Variants in MRPL22 observed in about 807,000 individuals in gnomAD.
The protein encoded by MRPL22 is large ribosomal subunit protein uL22m.
Under a neutral mutation model 32.4 loss-of-function variants are expected in MRPL22, and 27 were observed. That is an observed-to-expected ratio of 0.83 (90% confidence interval 0.61 to 1.15). MRPL22 has a LOEUF of 1.15. MRPL22 is among the 50% of genes most tolerant of loss of function. The probability of loss-of-function intolerance (pLI) is 0.00; values close to 1 mark genes in which losing one functional copy is unlikely to be tolerated. For missense variants in MRPL22, 239 were observed against 260.2 expected (o/e 0.92, Z 0.56); for synonymous variants, 86 against 87.3 (o/e 0.99, Z 0.08).
At chr5:154,942,549 A>G (rs1764433578) in intron 2 of MRPL22, among the ~76,000 whole-genome samples, 1 of 152,192 alleles carries the variant, frequency 6.6e-6, no homozygotes. Flanking sequence ...TTCTGAATAT[A>G]CTTTGCACTT....
chr5:154,965,803 C>A (rs190974577), intron 6 of MRPL22, among the ~76,000 whole-genome samples: 2 of 152,204 alleles, frequency 1.3e-5, no homozygotes, highest in Non-Finnish European at 2.9e-5. Flanking sequence ...GCTGAAGGGG[C>A]CGTTGTGCCA....
At chr5:154,960,310 G>C (rs1764685259) in intron 6 of MRPL22, among the ~76,000 whole-genome samples, 2 of 152,168 alleles carry the variant, frequency 1.3e-5, no homozygotes, top group Admixed American at 6.5e-5. Flanking sequence ...TAGATACCAA[G>C]ACTGGGGTAC....
intron 2 of MRPL22, among the ~76,000 whole-genome samples, chr5:154,948,858 C>A (rs1764525208): frequency 6.6e-6 from 1 of 152,178 alleles, no homozygotes; most frequent in Admixed American, 6.5e-5. Flanking sequence ...AGTTGGCTCA[C>A]TAGCATTTTC....
At chr5:154,956,925 A>G in intron 4 of MRPL22, 1 of 524,668 alleles carries the variant, frequency 1.9e-6, no homozygotes, top group Non-Finnish European at 3.4e-6. Flanking sequence ...TATTGAAACT[A>G]TTATAATCTC....
chr5:154,946,753 G>A (rs1012689051), intron 2 of MRPL22, among the ~76,000 whole-genome samples: 2 of 152,266 alleles, frequency 1.3e-5, no homozygotes, highest in African/African-American at 2.4e-5. Flanking sequence ...TCCAGGAGGC[G>A]GAGGTTGCAG....
Position 154,967,240 on chromosome 5 carries a change from A to G in MRPL22, c.*343A>G, listed in dbSNP as rs1764782510. 1 of 217,260 alleles carries G rather than the reference A, an allele frequency of 4.6e-6. No homozygotes were observed. Among genetic ancestry groups the G allele is most frequent in the Admixed American group, 5.4e-5 (1 of 18,562 alleles). The allele number at this position is 217,260 out of a possible 1,614,324, so 13.5% of individuals were successfully genotyped here. ...GGACTTGAATACAGTGTTATGAGGT[A>G]AGAAAATTGCTTTTATTTCACTTAA... On this transcript the variant is annotated 3_prime_UTR_variant, in exon 7 of 7. Coordinates refer to ENST00000523037, the MANE Select transcript of MRPL22 (RefSeq NM_014180.4). The surrounding 1 kb of genome is among the most constrained non-coding windows in gnomAD (Gnocchi z 4.7).
Position 154,958,012 on chromosome 5 carries a change from G to A in MRPL22, c.339+800G>A, listed in dbSNP as rs566256969. ...GCTCACTGCAGTCTCCGCCTCCTGC[G>A]TTCAAGCGATTCTTCTGCCTCAGCC... On this transcript the variant is annotated intron_variant, in intron 5 of 6. Transcript: ENST00000523037. Among the ~76,000 whole-genome samples, 13 of 149,184 alleles carry A rather than the reference G, an allele frequency of 8.7e-5. No homozygotes were observed. The South Asian group carries it at 2.1e-3, about 24-fold the overall frequency.
At chr5:154,959,368 G>C (rs1401051984) in intron 5 of MRPL22, among the ~76,000 whole-genome samples, 1 of 152,092 alleles carries the variant, frequency 6.6e-6, no homozygotes, top group Admixed American at 6.6e-5. Context: ...TGTTTTTTAA[G>C]ATAGGGTCTC....
intron 2 of MRPL22, among the ~76,000 whole-genome samples, chr5:154,944,515 A>G (rs1764463079): frequency 6.6e-6 from 1 of 152,144 alleles, no homozygotes; most frequent in Non-Finnish European, 1.5e-5. Flanking sequence ...GTATTCTTTC[A>G]TTGATTCTAC....
In MRPL22 at chr5:154,966,858, TC is replaced by T. The variant is rs769204847; in HGVS notation, c.583del (p.Gln195SerfsTer35). ...CAGTTGCCCATGCCAAAGAGTATAT[TC>T]AGCAGCTTCGCAGCCGGACCATCGT... The part of the protein sequence containing the change: ...TAVAHAKEYI[Q>X]QLRSRTIVHT... On this transcript the variant is annotated frameshift_variant, in exon 7 of 7. Coordinates refer to ENST00000523037, the MANE Select transcript of MRPL22 (RefSeq NM_014180.4). LOFTEE classifies it high-confidence loss of function. 6.2e-7 allele frequency: 1 copy of T among 1,614,052 alleles called. No homozygotes were observed. The highest frequency in any genetic ancestry group is 8.5e-7 in the Non-Finnish European group (1 of 1,179,966).
At chr5:154,942,062 T>C (rs1451835843) in intron 2 of MRPL22, among the ~76,000 whole-genome samples, 3 of 152,240 alleles carry the variant, frequency 2.0e-5, no homozygotes, top group Non-Finnish European at 4.4e-5. Flanking sequence ...TTTTATGATA[T>C]GAGCGTTATG....
intron 2 of MRPL22, among the ~76,000 whole-genome samples, chr5:154,946,942 G>A (rs924432230): frequency 4.6e-5 from 7 of 152,194 alleles, no homozygotes; most frequent in Non-Finnish European, 5.9e-5. Flanking sequence ...GCAGGCGTGA[G>A]CCACCATACT....
At chr5:154,947,612 G>T (rs184756845) in intron 2 of MRPL22, among the ~76,000 whole-genome samples, 26 of 152,292 alleles carry the variant, frequency 1.7e-4, no homozygotes, top group African/African-American at 6.3e-4. Context: ...ACCACTTTGA[G>T]TATATAAGTC....
At chr5:154,959,887 C>A in intron 5 of MRPL22, 93 bp from the exon 6 acceptor site, 1 of 786,878 alleles carries the variant, frequency 1.3e-6, no homozygotes, top group Non-Finnish European at 2.1e-6. Flanking sequence ...ATGTGATTAG[C>A]AGTCATAGTA....
intron 2 of MRPL22, among the ~76,000 whole-genome samples, chr5:154,943,146 C>T (rs867677373): frequency 1.5e-4 from 22 of 147,002 alleles, no homozygotes; most frequent in African/African-American, 4.7e-4. Context: ...CTTTTTTTTC[C>T]TTTTTTTTTT....
intron 3 of MRPL22, among the ~76,000 whole-genome samples, chr5:154,954,887 G>A (rs1053901564): frequency 4.6e-5 from 7 of 152,118 alleles, no homozygotes; most frequent in Non-Finnish European, 1.5e-5. Flanking sequence ...CACCTCCCGG[G>A]TTCATGGCAT....
At chr5:154,941,159 A>C (rs763759613) in intron 1 of MRPL22, 21 bp downstream of exon 1, 1 of 1,614,136 alleles carries the variant, frequency 6.2e-7, no homozygotes, top group South Asian at 1.1e-5. Flanking sequence ...CTTAGTGGTT[A>C]AGCGACAGAA....
At chr5:154,951,214 A>G (rs185950740) in intron 3 of MRPL22, among the ~76,000 whole-genome samples, 1 of 152,352 alleles carries the variant, frequency 6.6e-6, no homozygotes, top group Admixed American at 6.5e-5. Flanking sequence ...CTTGCTGATG[A>G]GCTCTTAATG....
chr5:154,959,975 T>C lies in MRPL22; in HGVS notation c.340-5T>C. On this transcript the variant is annotated splice_polypyrimidine_tract_variant and splice_region_variant and intron_variant, in intron 5 of 6. Transcript: ENST00000523037. ...GTATAAATGCTTTTCTTTTTCTTAT[T>C]TAAGGTTCTCTTAGAAGCACAAGAT... 4 of 1,607,718 alleles carry C rather than the reference T, an allele frequency of 2.5e-6. No homozygotes were observed. The South Asian group carries it at 4.5e-5, about 18-fold the overall frequency.
Sources: allele counts gnomAD v4.1 joint callset (sites outside exome capture counted in the v4.1 genomes callset), GRCh38; gene constraint gnomAD v4.1.1; non-coding constraint Gnocchi (gnomAD v3.1); transcripts MANE v1.5; gene names NCBI Gene and HGNC (gene_info 2026-07-23, HGNC 2026-07-21).